The following DMD variants were observed in gnomAD, a reference collection of about 807,000 sequenced individuals.
DMD encodes the protein mutant dystrophin.
A neutral mutation model predicts 330.1 loss-of-function variants in DMD; 63 were observed. That is an observed-to-expected ratio of 0.19 (90% confidence interval 0.16 to 0.24). The LOEUF (loss-of-function observed/expected upper bound fraction) is 0.24, where lower values mean the gene tolerates loss of function less well. Among genes scored for constraint, DMD ranks in the 10% least tolerant of loss-of-function variants. The pLI is 1.00. For missense variants in DMD, 3,344 were observed against 2,684.1 expected (o/e 1.25, Z -5.43); for synonymous variants, 1,223 against 959.8 (o/e 1.27, Z -5.07).
At chrX:32,219,688 T>C (rs1212657665) in intron 43 of DMD, among the ~76,000 whole-genome samples, 1 of 111,253 alleles carries the variant, frequency 9.0e-6, no homozygotes, top group African/African-American at 3.3e-5. Context: ...GTCTCCACTC[T>C]TGGTTTGCTG....
In DMD at chrX:31,209,973, G is replaced by C. The variant is rs1266970065; in HGVS notation, c.9362-274C>G. Among the ~76,000 whole-genome samples, 3 of 111,154 alleles carry C rather than the reference G, an allele frequency of 2.7e-5. No individual in the cohort carries two copies. The East Asian group carries it at 8.4e-4, about 31-fold the overall frequency. On this transcript the variant is annotated intron_variant, in intron 64 of 78. Transcript: ENST00000357033. ...ATAATTCCCATCCTTGGATTACTGG[G>C]GAATATCTGAGAGTTAAGGGGACCT... is the stretch of plus-strand genomic sequence containing the variant.
intron 19 of DMD, among the ~76,000 whole-genome samples, chrX:32,492,062 G>A (rs1012840721): frequency 8.9e-6 from 1 of 112,086 alleles, no homozygotes; most frequent in Non-Finnish European, 1.9e-5. Context: ...ATTGTCGGCT[G>A]GGCACGGTGG....
intron 44 of DMD, among the ~76,000 whole-genome samples, chrX:32,173,410 G>C (rs2096895327): frequency 9.0e-6 from 1 of 110,956 alleles, no homozygotes; most frequent in Non-Finnish European, 1.9e-5. Context: ...GTCTAGCTCT[G>C]TCACCAGGCT....
intron 7 of DMD, among the ~76,000 whole-genome samples, chrX:32,759,371 TTACTC>T (rs1352670450): frequency 9.0e-6 from 1 of 111,448 alleles, no homozygotes; most frequent in African/African-American, 3.3e-5. Flanking sequence ...AAAACCTAAT[TTACTC>T]TTCTCTTTCT....
At chrX:32,305,447 C>T (rs1216704492) in intron 42 of DMD, among the ~76,000 whole-genome samples, 1 of 111,090 alleles carries the variant, frequency 9.0e-6, no homozygotes. Context: ...CCAAGTCGGC[C>T]GAGAATGGGT....
intron 44 of DMD, among the ~76,000 whole-genome samples, chrX:32,132,437 T>C (rs2096700653): frequency 8.9e-6 from 1 of 111,897 alleles, no homozygotes; most frequent in African/African-American, 3.3e-5. Context: ...GAAATGAGGA[T>C]AATGAGGCAC....
intron 9 of DMD, among the ~76,000 whole-genome samples, chrX:32,694,295 A>G (rs1843362553): frequency 9.0e-6 from 1 of 111,422 alleles, no homozygotes; most frequent in African/African-American, 3.3e-5. Context: ...CTTCTAAATT[A>G]TTATCCTCAA....
chrX:33,316,829 A>C (rs1219361161), intron 1 of DMD, among the ~76,000 whole-genome samples: 1 of 110,989 alleles, frequency 9.0e-6, no homozygotes, highest in African/African-American at 3.3e-5. Context: ...CATCTTTACT[A>C]TGCTGAGTCT....
chrX:32,059,596 A>G (rs2096208026), intron 44 of DMD, among the ~76,000 whole-genome samples: 1 of 111,899 alleles, frequency 8.9e-6, no homozygotes, highest in Admixed American at 9.5e-5. Context: ...ACTAAGGTAG[A>G]TTATTCCAGG....
chrX:31,485,993 C>G (rs1162949343), intron 57 of DMD, among the ~76,000 whole-genome samples: 2 of 112,240 alleles, frequency 1.8e-5, no homozygotes, highest in Non-Finnish European at 3.8e-5. Context: ...TGGGCCAGAA[C>G]CTGGCTGCAG....
chrX:32,604,558 A>G lies in DMD; in HGVS notation c.1483-8682T>C, dbSNP rs143471797. On this transcript the variant is annotated intron_variant, in intron 12 of 78. Coordinates refer to ENST00000357033, the MANE Select transcript of DMD (RefSeq NM_004006.3). ...AGTACTGGAAGTCCTAGCTAGAGCA[A>G]TCAGGCAAGAGAAAGAAATAAAAGG... 4.3e-3 allele frequency among the ~76,000 whole-genome samples: 478 copies of G among 110,515 alleles called. 3 individuals carry two copies. Among genetic ancestry groups the G allele is most frequent in the African/African-American group, 0.015 (452 of 30,550 alleles).
chrX:32,771,063 G>C (rs180778091), intron 7 of DMD, among the ~76,000 whole-genome samples: 31 of 111,706 alleles, frequency 2.8e-4, no homozygotes, highest in Admixed American at 2.0e-3. Context: ...GACCTCTCTG[G>C]CACTTGACTC....
chrX:31,820,087 T>C lies in DMD; in HGVS notation c.7201-4A>G, dbSNP rs1556917126. ...AGCTCAGATCTTCTAACTTCCTCTT[T>C]AACAGAAAAGCATACACATTACTTA... On this transcript the variant is annotated splice_region_variant and splice_polypyrimidine_tract_variant and intron_variant, in intron 49 of 78. Transcript: ENST00000357033. 3.4e-6 allele frequency: 4 copies of C among 1,191,220 alleles called. No individual in the cohort carries two copies. Among genetic ancestry groups the C allele is most frequent in the Non-Finnish European group, 2.3e-6 (2 of 876,638 alleles).
intron 60 of DMD, among the ~76,000 whole-genome samples, chrX:31,351,450 G>A (rs1456994451): frequency 9.0e-6 from 1 of 110,722 alleles, no homozygotes; most frequent in African/African-American, 3.3e-5. Context: ...AATAGGCCAG[G>A]CATGGTGACT....
At chrX:32,969,397 T>C (rs1349113599) in intron 2 of DMD, among the ~76,000 whole-genome samples, 1 of 92,987 alleles carries the variant, frequency 1.1e-5, no homozygotes, top group Non-Finnish European at 2.0e-5. Flanking sequence ...TACATACATA[T>C]ACATAAAACA....
chrX:31,221,426 C>T (rs1298798216), intron 64 of DMD, among the ~76,000 whole-genome samples: 1 of 112,319 alleles, frequency 8.9e-6, no homozygotes, highest in South Asian at 3.7e-4. Flanking sequence ...CTGGGCCCTT[C>T]AGCACATGCT....
chrX:31,300,803 T>A (rs749290691), intron 62 of DMD, among the ~76,000 whole-genome samples: 20 of 112,344 alleles, frequency 1.8e-4, no homozygotes, highest in South Asian at 1.5e-3. Flanking sequence ...CTTACAAATA[T>A]TAATTTCTAA....
rs1007693768 is a variant in DMD, at chrX:31,121,472, T to A, written c.*447A>T. On this transcript the variant is annotated 3_prime_UTR_variant, in exon 79 of 79. Coordinates refer to ENST00000357033, the MANE Select transcript of DMD (RefSeq NM_004006.3). ...TGTGTGTGTGTGTTTGTTTTGTTTT[T>A]AGGGGTTTTTATAAACAACTTTTTT... 5.9e-6 allele frequency: 1 copy of A among 170,369 alleles called. No homozygotes were observed. The highest frequency in any genetic ancestry group is 1.1e-5 in the Non-Finnish European group (1 of 90,845). 14.0% of individuals were successfully genotyped at this position (170,369 alleles called of 1,213,427 possible). A position where few individuals can be genotyped will look rare whatever the true frequency, so the allele number is the denominator to read the frequency against.
At chrX:32,953,817 G>C (rs903720235) in intron 2 of DMD, among the ~76,000 whole-genome samples, 3 of 112,343 alleles carry the variant, frequency 2.7e-5, no homozygotes, top group Non-Finnish European at 3.8e-5. Flanking sequence ...GTGTTACCAA[G>C]AGGTTACAAT....
Sources: allele counts gnomAD v4.1 joint callset (sites outside exome capture counted in the v4.1 genomes callset), GRCh38; gene constraint gnomAD v4.1.1; transcripts MANE v1.5; gene names NCBI Gene and HGNC (gene_info 2026-07-23, HGNC 2026-07-21).